WDR19: variants seen among roughly 807,000 people sequenced by gnomAD.
WDR19 encodes the protein WD repeat-containing protein 19.
In WDR19, 121 loss-of-function variants were observed where a neutral mutation model predicts 180.0. The ratio of observed to expected loss-of-function variants is 0.67; its 90% CI spans 0.58 to 0.78. WDR19 has a LOEUF of 0.78. WDR19 is among the 30% of genes least tolerant of loss of function. WDR19 has a pLI of 0.00. For missense variants in WDR19, 1,450 were observed against 1,640.7 expected, an observed-to-expected ratio of 0.88 and a Z score of 2.01; for synonymous variants, 497 against 540.7, an observed-to-expected ratio of 0.92 and a Z score of 1.12.
At chr4:39,195,387 C>CAAA (rs11372483) in intron 5 of WDR19, among the ~76,000 whole-genome samples, 2,529 of 141,676 alleles carry the variant, frequency 0.018, 35 homozygotes, top group South Asian at 0.034. Context: ...AACAAAAAAA[C>CAAA]AAACAAACAA....
At position 39,244,250 on chromosome 4, in the gene WDR19, A is replaced by G. The variant is rs1466177980; in HGVS notation, c.2424A>G (p.Glu808=). Residue 808 remains glutamate, a splice_region_variant and synonymous_variant, in exon 22 of 37, where the codon GAA becomes GAG. Coordinates refer to ENST00000399820, the MANE Select transcript of WDR19 (RefSeq NM_025132.4). Reference sequence around the variant, plus strand: ...TAGTGTTTGCCTTGTGATTGCAGGAACATGATGAAGCTTGTCTGGCTGGAG... The same window carrying G: ...TAGTGTTTGCCTTGTGATTGCAGGAGCATGATGAAGCTTGTCTGGCTGGAG... ...YEKGITGDNK[E]HDEACLAGVA... is the part of the protein sequence containing the mutation. The G allele has an allele frequency of 2.5e-6, 4 of 1,610,290 alleles. No individual in the cohort carries two copies. Among genetic ancestry groups the G allele is most frequent in the Non-Finnish European group, 3.4e-6 (4 of 1,177,044 alleles).
intron 26 of WDR19, among the ~76,000 whole-genome samples, chr4:39,255,113 G>A (rs576040756): frequency 2.4e-4 from 36 of 152,120 alleles, no homozygotes; most frequent in Non-Finnish European, 4.4e-4. Context: ...CTTTAGAATT[G>A]CCAATGTTTA....
intron 9 of WDR19, among the ~76,000 whole-genome samples, chr4:39,211,447 T>C (rs1728493335): frequency 6.6e-6 from 1 of 152,182 alleles, no homozygotes; most frequent in South Asian, 2.1e-4. Flanking sequence ...TACATAAAAA[T>C]CTTGGAATTT....
At chr4:39,220,564 T>TC (rs1729571176) in intron 14 of WDR19, among the ~76,000 whole-genome samples, 2 of 127,234 alleles carry the variant, frequency 1.6e-5, no homozygotes, top group Non-Finnish European at 3.3e-5. Flanking sequence ...TCCTTGATTT[T>TC]TTTTTTTTTT....
chr4:39,284,495 T>C (rs1018135168), intron 36 of WDR19, among the ~76,000 whole-genome samples: 1 of 150,756 alleles, frequency 6.6e-6, no homozygotes, highest in Admixed American at 6.6e-5. Flanking sequence ...TGTGCCACCA[T>C]ACCCAGCTTT....
chr4:39,217,254 T>C lies in WDR19; in HGVS notation c.1356+14T>C. 3.8e-6 allele frequency: 6 copies of C among 1,562,934 alleles called. No individual in the cohort carries two copies. The highest frequency in any genetic ancestry group is 5.2e-6 in the Non-Finnish European group (6 of 1,146,650). ...CAGTTACATTTGGTAAGTATAATTTTGATGTCCTGGAGACGCGCTAAGTTA... is the reference window on the plus strand; with the variant it reads ...CAGTTACATTTGGTAAGTATAATTTCGATGTCCTGGAGACGCGCTAAGTTA... On this transcript the variant is annotated intron_variant, in intron 13 of 36. Coordinates refer to ENST00000399820, the MANE Select transcript of WDR19 (RefSeq NM_025132.4).
intron 21 of WDR19, 110 bp downstream of exon 21, chr4:39,240,444 G>A: frequency 3.6e-6 from 2 of 554,226 alleles, no homozygotes; most frequent in East Asian, 4.5e-5. Flanking sequence ...TAGCAGGTGA[G>A]TGTTTTCTTT....
intron 14 of WDR19, among the ~76,000 whole-genome samples, chr4:39,222,677 G>A (rs9997015): frequency 0.46 from 69,560 of 152,046 alleles, 18,550 homozygotes; most frequent in East Asian, 0.62. Context: ...GCCCTGAATA[G>A]AAGTCCAAAA....
At chr4:39,250,196 T>C (rs1229226784) in intron 24 of WDR19, among the ~76,000 whole-genome samples, 1 of 151,710 alleles carries the variant, frequency 6.6e-6, no homozygotes, top group African/African-American at 2.4e-5. Flanking sequence ...GCAAGGCTGG[T>C]TCAACATACG....
intron 3 of WDR19, among the ~76,000 whole-genome samples, chr4:39,188,637 A>AAAAG (rs1010538551): frequency 2.0e-5 from 3 of 150,274 alleles, no homozygotes; most frequent in Admixed American, 6.6e-5. Context: ...AAAAAAAAAG[A>AAAAG]AAAGAAAGAA....
chr4:39,229,841 A>G (rs1730656054), intron 17 of WDR19, among the ~76,000 whole-genome samples: 1 of 152,136 alleles, frequency 6.6e-6, no homozygotes, highest in East Asian at 1.9e-4. Context: ...TGCCCTTTCT[A>G]AAACTGAACT....
intron 20 of WDR19, among the ~76,000 whole-genome samples, chr4:39,238,665 A>G (rs1731604179): frequency 6.6e-6 from 1 of 152,206 alleles, no homozygotes; most frequent in Admixed American, 6.5e-5. Flanking sequence ...AAATTTCTCA[A>G]CTGCAGAACA....
At chr4:39,263,893 C>A (rs1474263945) in intron 28 of WDR19, among the ~76,000 whole-genome samples, 2 of 145,916 alleles carry the variant, frequency 1.4e-5, no homozygotes, top group Non-Finnish European at 3.0e-5. Context: ...CATTGCACTC[C>A]AGCCTGGGCA....
At chr4:39,234,576 G>T (rs1731187388) in intron 19 of WDR19, among the ~76,000 whole-genome samples, 190 bp from the exon 20 acceptor site, 1 of 151,982 alleles carries the variant, frequency 6.6e-6, no homozygotes, top group African/African-American at 2.4e-5. Flanking sequence ...ATCAATTTTT[G>T]CCTCCTTCAG....
At chr4:39,185,895 TG>T (rs368178025) in intron 2 of WDR19, 78 bp downstream of exon 2, 28 of 1,093,020 alleles carry the variant, frequency 2.6e-5, no homozygotes, top group South Asian at 1.7e-4. Flanking sequence ...AAGTTTTTTT[TG>T]TTGTTGTTTT....
intron 25 of WDR19, among the ~76,000 whole-genome samples, chr4:39,253,494 C>T (rs1207863904): frequency 6.6e-6 from 1 of 152,090 alleles, no homozygotes; most frequent in South Asian, 2.1e-4. Context: ...TATAGAACTG[C>T]ATGCTGGGCA....
chr4:39,187,437 A>G (rs1455423000), intron 3 of WDR19, among the ~76,000 whole-genome samples: 1 of 151,788 alleles, frequency 6.6e-6, no homozygotes, highest in African/African-American at 2.4e-5. Context: ...AAAAAAAAAA[A>G]AGATGTATAG....
Position 39,207,675 on chromosome 4 carries a change from G to A in WDR19, c.890+1939G>A, listed in dbSNP as rs189753710. Among the ~76,000 whole-genome samples, 68 of 152,274 alleles carry A rather than the reference G, an allele frequency of 4.5e-4. 1 individual carries two copies. The highest frequency in any genetic ancestry group is 4.4e-3 in the Admixed American group (68 of 15,286). ...ACAATGTATGTCAGTAAATGAAAGTGAAATAAAAGCATTTTTAGATGAAGG... is the reference window on the plus strand; with the variant it reads ...ACAATGTATGTCAGTAAATGAAAGTAAAATAAAAGCATTTTTAGATGAAGG... On this transcript the variant is annotated intron_variant, in intron 9 of 36. Transcript: ENST00000399820.
chr4:39,239,070 G>A (rs747100940), intron 20 of WDR19, among the ~76,000 whole-genome samples: 15 of 151,966 alleles, frequency 9.9e-5, no homozygotes, highest in East Asian at 1.9e-4. Flanking sequence ...TCTGCCTCCC[G>A]GGTTCAAGCA....
Sources: allele counts gnomAD v4.1 joint callset (sites outside exome capture counted in the v4.1 genomes callset), GRCh38; gene constraint gnomAD v4.1.1; transcripts MANE v1.5; gene names NCBI Gene and HGNC (gene_info 2026-07-23, HGNC 2026-07-21).